Variants in KCNH2 observed in about 807,000 individuals in gnomAD.
KCNH2 encodes the protein potassium voltage-gated channel subfamily H member 2, also known as voltage-gated inwardly rectifying potassium channel KCNH2.
Under a neutral mutation model 95.9 loss-of-function variants are expected in KCNH2, and 35 were observed. The observed-to-expected ratio is 0.37, with a 90% CI of 0.28 to 0.48. The LOEUF (loss-of-function observed/expected upper bound fraction) is 0.48. Ranked by LOEUF, KCNH2 falls within the 20% of genes least tolerant of loss-of-function variation. KCNH2 has a pLI of 0.99. For missense variants in KCNH2, 1,274 were observed against 1,702.9 expected, an observed-to-expected ratio of 0.75 and a Z score of 4.43; for synonymous variants, 786 against 754.7, an observed-to-expected ratio of 1.04 and a Z score of -0.68.
chr7:150,951,962 T>A, intron 6 of KCNH2, 127 bp from the exon 7 acceptor site: 1 of 876,854 alleles, frequency 1.1e-6, no homozygotes, highest in Non-Finnish European at 1.7e-6. Context: ...ACCCTCCTCC[T>A]AAGAGGTGAA....
In KCNH2 at chr7:150,950,215, C is replaced by A; in HGVS notation, c.2351G>T (p.Arg784Leu). ...DLLTALYFIS[R>L]GSIEILRGDV... Reference sequence around the variant, plus strand: ...GCCCCGCAGGATCTCGATGGAGCCCCGGGAGATGAAGTACAGGGCGGTGAG... The same window carrying A: ...GCCCCGCAGGATCTCGATGGAGCCCAGGGAGATGAAGTACAGGGCGGTGAG... Residue 784 changes from arginine to leucine, a missense_variant, in exon 9 of 15, where the codon CGG becomes CTG. Transcript: ENST00000262186. The A allele has an allele frequency of 6.2e-7, 1 of 1,600,618 alleles. No individual in the cohort carries two copies. The highest frequency in any genetic ancestry group is 1.7e-4 in the Middle Eastern group (1 of 5,998).
chr7:150,968,393 C>T (rs143249388), intron 2 of KCNH2, among the ~76,000 whole-genome samples: 5 of 152,194 alleles, frequency 3.3e-5, no homozygotes, highest in Non-Finnish European at 5.9e-5. Context: ...AGCGTGGCGG[C>T]CGCATGCCAC....
At chr7:150,956,587 C>A (rs1368073083) in intron 5 of KCNH2, among the ~76,000 whole-genome samples, 1 of 152,080 alleles carries the variant, frequency 6.6e-6, no homozygotes, top group Non-Finnish European at 1.5e-5. Context: ...GCCAGGAGGA[C>A]CCCAAACCCA....
chr7:150,967,560 A>G (rs1801737993), intron 2 of KCNH2, among the ~76,000 whole-genome samples: 1 of 152,248 alleles, frequency 6.6e-6, no homozygotes, highest in Non-Finnish European at 1.5e-5. Context: ...GACTGTTTAC[A>G]AGATGCGTTG....
At chr7:150,957,566 T>C (rs899590464) in intron 4 of KCNH2, 64 bp from the exon 5 acceptor site, 5 of 1,259,284 alleles carry the variant, frequency 4.0e-6, no homozygotes, top group Admixed American at 3.6e-5. Context: ...AGGCCACCCA[T>C]AGATCGAGAG....
At chr7:150,950,124 T>C in intron 9 of KCNH2, 44 bp downstream of exon 9, 2 of 1,610,730 alleles carry the variant, frequency 1.2e-6, no homozygotes, top group South Asian at 1.1e-5. Flanking sequence ...CTCTTGAGGC[T>C]GCAGAGGGCA....
intron 5 of KCNH2, among the ~76,000 whole-genome samples, chr7:150,954,142 G>C (rs1019377801): frequency 2.0e-5 from 3 of 152,230 alleles, no homozygotes; most frequent in Non-Finnish European, 4.4e-5. Flanking sequence ...GCCTAGGGCA[G>C]GGAGGGAACA....
chr7:150,949,056 G>A lies in KCNH2; in HGVS notation c.2399-7C>T. On this transcript the variant is annotated splice_region_variant and splice_polypyrimidine_tract_variant and intron_variant, in intron 9 of 14. Coordinates refer to ENST00000262186, the MANE Select transcript of KCNH2 (RefSeq NM_000238.4). ...CCAAAGATGTCATTCTTCCCTGGAG[G>A]CCATGGAGAGGACAGGGAGCTCAGC... The A allele has an allele frequency of 6.2e-7, 1 of 1,613,028 alleles. No homozygotes were observed. The highest frequency in any genetic ancestry group is 8.5e-7 in the Non-Finnish European group (1 of 1,179,138).
intron 2 of KCNH2, among the ~76,000 whole-genome samples, chr7:150,972,576 G>A (rs1412173154): frequency 1.3e-5 from 2 of 152,234 alleles, no homozygotes; most frequent in Non-Finnish European, 2.9e-5. Flanking sequence ...CCTGAGCCCC[G>A]TGGAAACTAG....
In KCNH2 at chr7:150,961,894, G is replaced by T. The variant is rs1229418537; in HGVS notation, c.308-2158C>A. On this transcript the variant is annotated intron_variant, in intron 2 of 14. Coordinates refer to ENST00000262186, the MANE Select transcript of KCNH2 (RefSeq NM_000238.4). The surrounding 1 kb of genome is among the most constrained non-coding windows in gnomAD (Gnocchi z 6.2). ...CTAACCCGCTGGGGATTCATCTAGG[G>T]GAACGAGGTCTTCTGAAACCAGCTT... 1.3e-5 allele frequency among the ~76,000 whole-genome samples: 2 copies of T among 152,162 alleles called. No individual in the cohort carries two copies. The highest frequency in any genetic ancestry group is 1.9e-4 in the East Asian group (1 of 5,194).
At chr7:150,977,374 C>G (rs1452821177) in intron 1 of KCNH2, among the ~76,000 whole-genome samples, 2 of 152,202 alleles carry the variant, frequency 1.3e-5, no homozygotes, top group African/African-American at 4.8e-5. Flanking sequence ...TGAGCTGACC[C>G]TGCATCCACG....
intron 5 of KCNH2, among the ~76,000 whole-genome samples, chr7:150,956,925 C>T (rs1436093877): frequency 3.3e-5 from 5 of 152,136 alleles, no homozygotes; most frequent in Non-Finnish European, 2.9e-5. Flanking sequence ...CACCCTGCAG[C>T]CAGACCTTTC....
intron 2 of KCNH2, among the ~76,000 whole-genome samples, chr7:150,963,410 G>A (rs950597779): frequency 3.3e-5 from 5 of 152,160 alleles, no homozygotes; most frequent in African/African-American, 1.2e-4. Flanking sequence ...GGGCCGTAGG[G>A]GTGAAATGGC....
At chr7:150,949,081 C>T in intron 9 of KCNH2, 32 bp from the exon 10 acceptor site, 1 of 1,595,708 alleles carries the variant, frequency 6.3e-7, no homozygotes, top group East Asian at 2.3e-5. Context: ...GGGAGCTCAG[C>T]CCCGGGGGGC....
intron 3 of KCNH2, 119 bp downstream of exon 3, chr7:150,959,453 G>A (rs1290164237): frequency 1.6e-6 from 2 of 1,264,580 alleles, no homozygotes; most frequent in East Asian, 2.4e-5. Context: ...CCAAAGGGGG[G>A]ACCCCCCACC....
At chr7:150,948,407 T>TTCCC in intron 11 of KCNH2, 37 bp downstream of exon 11, 3 of 1,219,314 alleles carry the variant, frequency 2.5e-6, no homozygotes, top group Non-Finnish European at 2.3e-6. Flanking sequence ...CCTCACCTTG[T>TTCCC]CCCCGCCCTC....
intron 5 of KCNH2, among the ~76,000 whole-genome samples, chr7:150,953,573 C>T (rs1801264047): frequency 6.6e-6 from 1 of 152,214 alleles, no homozygotes. Flanking sequence ...GTGACACACA[C>T]AGCCCCTGTA....
rs1801503340 is a variant in KCNH2 at position 150,959,753 on chromosome 7, C to A, written c.308-17G>T. The A allele has an allele frequency of 6.2e-7, 1 of 1,613,978 alleles. No homozygotes were observed. The highest frequency in any genetic ancestry group is 1.7e-5 in the Admixed American group (1 of 59,992). ...AGCAGCTCCCTGCAGAGTGGGAGGA[C>A]ATAGCCCCCTTGGCACCCACTCAGT... On this transcript the variant is annotated splice_polypyrimidine_tract_variant and intron_variant, in intron 2 of 14. Coordinates refer to ENST00000262186, the MANE Select transcript of KCNH2 (RefSeq NM_000238.4).
At chr7:150,955,460 C>A in intron 5 of KCNH2, 1 of 1,561,858 alleles carries the variant, frequency 6.4e-7, no homozygotes, top group Non-Finnish European at 8.7e-7. Context: ...GGCCCTGGGC[C>A]GCAGAGCCCC....
Sources: gnomAD v4.1 joint callset for allele counts (sites outside exome capture counted in the v4.1 genomes callset) on GRCh38, gnomAD v4.1.1 for gene constraint, Gnocchi (gnomAD v3.1) non-coding constraint, MANE v1.5 for transcripts, NCBI Gene and HGNC (gene_info 2026-07-23, HGNC 2026-07-21) for gene names.